Variants in FHIT observed in about 807,000 individuals in gnomAD.
FHIT encodes fragile histidine triad diadenosine triphosphatase, also known as bis(5'-adenosyl)-triphosphatase.
Under a neutral mutation model 17.9 loss-of-function variants are expected in FHIT, and 19 were observed. That is an observed-to-expected ratio of 1.06 (90% CI 0.74 to 1.56). FHIT has a LOEUF of 1.56. Among genes scored for constraint, FHIT ranks in the 40% most tolerant of loss-of-function variants. The pLI is 0.00. For synonymous variants in FHIT, 81 were observed against 69.7 expected (o/e 1.16, Z -0.81); for missense variants, 248 against 189.2 (o/e 1.31, Z -1.82).
At chr3:60,583,022 G>C (rs1553660238) in intron 4 of FHIT, among the ~76,000 whole-genome samples, 1 of 151,780 alleles carries the variant, frequency 6.6e-6, no homozygotes, top group Non-Finnish European at 1.5e-5. Flanking sequence ...GCTTGAGTGA[G>C]AAGCAACATG....
intron 8 of FHIT, among the ~76,000 whole-genome samples, chr3:59,895,375 T>C (rs925408211): frequency 1.3e-5 from 2 of 152,216 alleles, no homozygotes; most frequent in African/African-American, 4.8e-5. Flanking sequence ...GAATGCACTA[T>C]AATAGCAGAT....
intron 5 of FHIT, among the ~76,000 whole-genome samples, chr3:60,470,684 C>T (rs2033042485): frequency 1.3e-5 from 2 of 152,042 alleles, no homozygotes; most frequent in African/African-American, 4.8e-5. Flanking sequence ...ATCCTAGGAG[C>T]CCACTTGATC....
intron 5 of FHIT, among the ~76,000 whole-genome samples, chr3:60,116,030 G>C (rs150865222): frequency 6.6e-6 from 1 of 152,200 alleles, no homozygotes; most frequent in East Asian, 1.9e-4. Flanking sequence ...TAAATTGGAA[G>C]TGTATTAGAA....
At chr3:60,105,846 GA>G (rs1215250659) in intron 5 of FHIT, among the ~76,000 whole-genome samples, 4 of 152,068 alleles carry the variant, frequency 2.6e-5, no homozygotes, top group Non-Finnish European at 2.9e-5. Flanking sequence ...AAATGGGCAG[GA>G]AAATTAGTAA....
At chr3:60,593,476 C>T (rs1273625056) in intron 4 of FHIT, among the ~76,000 whole-genome samples, 1 of 152,146 alleles carries the variant, frequency 6.6e-6, no homozygotes, top group Non-Finnish European at 1.5e-5. Flanking sequence ...AAAACATTCA[C>T]AGCCAGGATT....
chr3:60,977,080 C>T (rs1710288127), intron 3 of FHIT, among the ~76,000 whole-genome samples: 1 of 152,166 alleles, frequency 6.6e-6, no homozygotes, highest in African/African-American at 2.4e-5. Flanking sequence ...GTCACATTTA[C>T]TGAATTACTG....
Position 60,268,847 on chromosome 3 carries a change from A to G in FHIT, c.104-254695T>C, listed in dbSNP as rs144036278. 5.5e-3 allele frequency among the ~76,000 whole-genome samples: 840 copies of G among 152,266 alleles called. 6 individuals carry two copies. The highest frequency in any genetic ancestry group is 0.019 in the African/African-American group (772 of 41,552). ...TAAGGCAGGGAGATGATCCTGGATT[A>G]TCTAGGTGGGCCCAACATAATCACA... On this transcript the variant is annotated intron_variant, in intron 5 of 9. Coordinates refer to ENST00000492590, the MANE Select transcript of FHIT (RefSeq NM_002012.4).
chr3:59,775,637 C>T (rs543170087), intron 8 of FHIT, among the ~76,000 whole-genome samples: 1 of 152,288 alleles, frequency 6.6e-6, no homozygotes, highest in South Asian at 2.1e-4. Context: ...TAGAAACTGG[C>T]CCTTATGTGG....
At chr3:60,133,125 T>A (rs1004261537) in intron 5 of FHIT, among the ~76,000 whole-genome samples, 3 of 151,966 alleles carry the variant, frequency 2.0e-5, no homozygotes, top group African/African-American at 7.3e-5. Flanking sequence ...ATGATTGAGA[T>A]GGAACATCTT....
intron 8 of FHIT, among the ~76,000 whole-genome samples, chr3:59,780,781 G>A (rs751907039): frequency 4.6e-5 from 7 of 152,132 alleles, no homozygotes; most frequent in Non-Finnish European, 8.8e-5. Context: ...CCCTGATATT[G>A]GACTTCCAGC....
chr3:60,745,832 A>G (rs370828219), intron 4 of FHIT, among the ~76,000 whole-genome samples: 1 of 152,168 alleles, frequency 6.6e-6, no homozygotes. Context: ...AGACCAAACT[A>G]AAAAGGATCT....
intron 8 of FHIT, among the ~76,000 whole-genome samples, chr3:59,824,889 T>C (rs1575554000): frequency 6.6e-6 from 1 of 152,172 alleles, no homozygotes; most frequent in African/African-American, 2.4e-5. Context: ...ACCCCCACCA[T>C]TGTAGACTAA....
intron 5 of FHIT, among the ~76,000 whole-genome samples, chr3:60,300,354 A>G (rs946153093): frequency 6.6e-6 from 1 of 152,212 alleles, no homozygotes; most frequent in African/African-American, 2.4e-5. Flanking sequence ...GAGGGATAGT[A>G]AGAGAATATT....
At chr3:59,970,793 G>A (rs1388929649) in intron 7 of FHIT, among the ~76,000 whole-genome samples, 5 of 150,868 alleles carry the variant, frequency 3.3e-5, no homozygotes, top group Admixed American at 2.6e-4. Context: ...AGCTTGGGGC[G>A]AATTAATGCT....
chr3:60,244,868 C>T (rs1705312977), intron 5 of FHIT, among the ~76,000 whole-genome samples: 1 of 152,012 alleles, frequency 6.6e-6, no homozygotes, highest in South Asian at 2.1e-4. Context: ...ATATTCCTGA[C>T]ATCTCAAAAG....
At chr3:60,277,112 C>T (rs1233110011) in intron 5 of FHIT, among the ~76,000 whole-genome samples, 1 of 151,942 alleles carries the variant, frequency 6.6e-6, no homozygotes, top group African/African-American at 2.4e-5. Flanking sequence ...TCCTGGTGGT[C>T]AGCAAGAAAG....
intron 7 of FHIT, among the ~76,000 whole-genome samples, chr3:59,937,322 G>A (rs1331064130): frequency 6.6e-6 from 1 of 152,110 alleles, no homozygotes; most frequent in Admixed American, 6.6e-5. Flanking sequence ...AGAAATGAAG[G>A]AACAAAGGAC....
rs191829790 is a variant in FHIT at position 60,720,777 on chromosome 3, G to A, written c.-18+101142C>T. On this transcript the variant is annotated intron_variant, in intron 4 of 9. Coordinates refer to ENST00000492590, the MANE Select transcript of FHIT (RefSeq NM_002012.4). Reference sequence around the variant, plus strand: ...CCTTCCAGAGAATAGCATACTGGGCGTCAAGAAGAGTCCTCATTAATCATG... The same window carrying A: ...CCTTCCAGAGAATAGCATACTGGGCATCAAGAAGAGTCCTCATTAATCATG... Among the ~76,000 whole-genome samples, 386 of 152,246 alleles carry A rather than the reference G, an allele frequency of 2.5e-3. 1 individual carries two copies. Among genetic ancestry groups the A allele is most frequent in the African/African-American group, 8.7e-3 (362 of 41,554 alleles).
intron 4 of FHIT, among the ~76,000 whole-genome samples, chr3:60,560,311 G>A (rs1011763417): frequency 6.6e-6 from 1 of 152,070 alleles, no homozygotes; most frequent in Admixed American, 6.6e-5. Context: ...CAGTAATTAT[G>A]CATTTGCCTC....
Sources: allele counts gnomAD v4.1 joint callset (sites outside exome capture counted in the v4.1 genomes callset), GRCh38; gene constraint gnomAD v4.1.1; transcripts MANE v1.5; gene names NCBI Gene and HGNC (gene_info 2026-07-23, HGNC 2026-07-21).